Variants in TADA2A observed in about 807,000 individuals in gnomAD.
The protein encoded by TADA2A is transcriptional adapter 2-alpha.
Under a neutral mutation model 67.4 loss-of-function variants are expected in TADA2A, and 38 were observed. The observed-to-expected ratio is 0.56, with a 90% CI of 0.44 to 0.74. TADA2A has a LOEUF of 0.74. TADA2A is among the 30% of genes least tolerant of loss of function. The pLI, the probability that TADA2A is intolerant of heterozygous loss-of-function variation, is 0.00. For missense variants in TADA2A, 454 were observed against 547.0 expected, an observed-to-expected ratio of 0.83 and a Z score of 1.70; for synonymous variants, 192 against 181.6, an observed-to-expected ratio of 1.06 and a Z score of -0.46.
chr17:37,459,979 T>C (rs1173455518), intron 9 of TADA2A, among the ~76,000 whole-genome samples: 2 of 151,402 alleles, frequency 1.3e-5, no homozygotes, highest in East Asian at 2.0e-4. Flanking sequence ...GGCAGGAGAA[T>C]TGCTTGAACC....
At chr17:37,440,302 A>T (rs1394461043) in intron 5 of TADA2A, among the ~76,000 whole-genome samples, 1 of 152,084 alleles carries the variant, frequency 6.6e-6, no homozygotes, top group Non-Finnish European at 1.5e-5. Context: ...TGTGTTTTAG[A>T]CTAGCAAGAT....
intron 2 of TADA2A, among the ~76,000 whole-genome samples, chr17:37,417,561 G>A (rs1008100113): frequency 2.0e-4 from 31 of 151,814 alleles, no homozygotes; most frequent in African/African-American, 7.3e-4. Context: ...TTGAGACATA[G>A]TCTCGCTCTG....
intron 6 of TADA2A, among the ~76,000 whole-genome samples, 173 bp downstream of exon 6, chr17:37,440,835 C>T (rs2052893545): frequency 6.6e-6 from 1 of 152,198 alleles, no homozygotes; most frequent in African/African-American, 2.4e-5. Context: ...TGGCTTGTGC[C>T]TGTAATCCCA....
chr17:37,457,148 C>T (rs189692261), intron 8 of TADA2A, among the ~76,000 whole-genome samples: 73 of 150,860 alleles, frequency 4.8e-4, no homozygotes, highest in African/African-American at 1.6e-3. Flanking sequence ...TCTGTTACTC[C>T]TGTGCAGTTA....
chr17:37,479,500 G>T lies in TADA2A; in HGVS notation c.*2518G>T, dbSNP rs1007179667. 1 of 152,122 alleles carries T rather than the reference G, an allele frequency of 6.6e-6. No individual in the cohort carries two copies. Among genetic ancestry groups the T allele is most frequent in the Non-Finnish European group, 1.5e-5 (1 of 68,016 alleles). The allele number at this position is 152,122 out of a possible 1,614,324, so 9.4% of individuals were successfully genotyped here. ...GAACTTTGCAAAGATACGTAGCATT[G>T]CATCCTTCCTCTTTGCTTCTAGACA... is the stretch of plus-strand genomic sequence containing the variant. On this transcript the variant is annotated 3_prime_UTR_variant, in exon 16 of 16. Transcript: ENST00000615182.
In TADA2A at chr17:37,477,512, T is replaced by A. The variant is rs1354766644; in HGVS notation, c.*530T>A. ...CAGAGTTTGCTCTTGTCCTCCAGGCTGGAGTGTGATGGCAAGATCTCAGCT... is the reference window on the plus strand; with the variant it reads ...CAGAGTTTGCTCTTGTCCTCCAGGCAGGAGTGTGATGGCAAGATCTCAGCT... On this transcript the variant is annotated 3_prime_UTR_variant, in exon 16 of 16. Transcript: ENST00000615182. 1.3e-5 allele frequency: 2 copies of A among 151,596 alleles called. No homozygotes were observed. Among genetic ancestry groups the A allele is most frequent in the African/African-American group, 4.9e-5 (2 of 41,200 alleles). 9.4% of individuals were successfully genotyped at this position (151,596 alleles called of 1,614,324 possible).
rs1319424462 is a variant in TADA2A, at chr17:37,423,453, A to ACTT, written c.26-55_26-53dup. The ACTT allele has an allele frequency of 5.2e-6, 7 of 1,347,794 alleles. No individual in the cohort carries two copies. The East Asian group carries it at 1.6e-4, about 32-fold the overall frequency. The allele number at this position is 1,347,794 out of a possible 1,614,324, so 83.5% of individuals were successfully genotyped here. A position where few individuals can be genotyped will look rare whatever the true frequency, so the allele number is the denominator to read the frequency against. Reference sequence around the variant, plus strand: ...CATTTGGGGATTTTCACCTTTTTGCACTTAAGATAACCGTAAGGTGGTCTG... The same window carrying ACTT: ...CATTTGGGGATTTTCACCTTTTTGCACTTCTTAAGATAACCGTAAGGTGGTCTG... On this transcript the variant is annotated intron_variant, in intron 2 of 15. Transcript: ENST00000615182.
chr17:37,474,174 G>A (rs1005901724), intron 14 of TADA2A, among the ~76,000 whole-genome samples: 6 of 152,170 alleles, frequency 3.9e-5, no homozygotes, highest in African/African-American at 9.7e-5. Flanking sequence ...GGGAGATTGA[G>A]GCTATAGTGA....
chr17:37,477,001 T>G lies in TADA2A; in HGVS notation c.*19T>G. The G allele has an allele frequency of 6.3e-7, 1 of 1,584,736 alleles. No individual in the cohort carries two copies. The highest frequency in any genetic ancestry group is 8.6e-7 in the Non-Finnish European group (1 of 1,160,980). Reference sequence around the variant, plus strand: ...AGGCTAAGGCTCCAAGAGCTTGGGATCAGAAGTCAGAAGTTTGGAATGTGG... The same window carrying G: ...AGGCTAAGGCTCCAAGAGCTTGGGAGCAGAAGTCAGAAGTTTGGAATGTGG... On this transcript the variant is annotated 3_prime_UTR_variant, in exon 16 of 16. Coordinates refer to ENST00000615182, the MANE Select transcript of TADA2A (RefSeq NM_001166105.3).
At chr17:37,455,941 C>T (rs373226939) in intron 8 of TADA2A, among the ~76,000 whole-genome samples, 25 of 152,078 alleles carry the variant, frequency 1.6e-4, no homozygotes, top group Admixed American at 7.2e-4. Context: ...CAGTAGTTCA[C>T]GCCTGTAATT....
At chr17:37,449,400 A>G (rs900548229) in intron 8 of TADA2A, among the ~76,000 whole-genome samples, 1 of 152,196 alleles carries the variant, frequency 6.6e-6, no homozygotes, top group Non-Finnish European at 1.5e-5. Flanking sequence ...AGCATTTACT[A>G]TTAGTTACCA....
At chr17:37,452,668 T>A (rs1243603091) in intron 8 of TADA2A, among the ~76,000 whole-genome samples, 1 of 152,132 alleles carries the variant, frequency 6.6e-6, no homozygotes, top group Non-Finnish European at 1.5e-5. Flanking sequence ...CCACAGCAAC[T>A]GTGTTATAAA....
chr17:37,415,945 T>C (rs1452133723), intron 2 of TADA2A, among the ~76,000 whole-genome samples: 1 of 150,454 alleles, frequency 6.6e-6, no homozygotes, highest in Non-Finnish European at 1.5e-5. Context: ...TTGAAACTTT[T>C]GCCAATCTGA....
chr17:37,423,658 A>T (rs779585554), intron 3 of TADA2A, 43 bp downstream of exon 3: 10 of 1,410,468 alleles, frequency 7.1e-6, no homozygotes, highest in Non-Finnish European at 9.8e-6. Flanking sequence ...GTTTTATGCT[A>T]TTTTTTATGA....
chr17:37,439,930 A>ATTTTTTTTTTT (rs1568155028), intron 5 of TADA2A, among the ~76,000 whole-genome samples: 1 of 111,476 alleles, frequency 9.0e-6, no homozygotes, highest in African/African-American at 3.3e-5. Flanking sequence ...TTATTTATTT[A>ATTTTTTTTTTT]TTTATTTATT....
At chr17:37,439,938 ATTTATTAT>A (rs201882928) in intron 5 of TADA2A, among the ~76,000 whole-genome samples, 18,266 of 105,418 alleles carry the variant, frequency 0.17, 1,375 homozygotes, top group East Asian at 0.41. Flanking sequence ...TTATTTATTT[ATTTATTAT>A]TTTTTTTTTT....
rs771834965 is a variant in TADA2A at position 37,444,788 on chromosome 17, A to G, written c.604+20A>G. 4 of 1,611,238 alleles carry G rather than the reference A, an allele frequency of 2.5e-6. No individual in the cohort carries two copies. The East Asian group carries it at 8.9e-5, about 36-fold the overall frequency. The stretch of plus-strand genomic sequence containing the variant: ...TACATGGTAACAGTTTATTTTGTCA[A>G]ATGTTTATCGAGCGCCAACTGTGTG... On this transcript the variant is annotated intron_variant, in intron 8 of 15. Coordinates refer to ENST00000615182, the MANE Select transcript of TADA2A (RefSeq NM_001166105.3).
chr17:37,431,229 A>T (rs853224), intron 4 of TADA2A, among the ~76,000 whole-genome samples: 31,475 of 152,094 alleles, frequency 0.21, 3,656 homozygotes, highest in East Asian at 0.54. Flanking sequence ...TCAAAACCTC[A>T]TGCTTAAAAA....
At chr17:37,452,833 G>A (rs775506021) in intron 8 of TADA2A, among the ~76,000 whole-genome samples, 8 of 151,722 alleles carry the variant, frequency 5.3e-5, no homozygotes, top group Non-Finnish European at 1.0e-4. Context: ...TGACAGTATT[G>A]AATTATTTTT....
Sources: gnomAD v4.1 joint callset for allele counts (sites outside exome capture counted in the v4.1 genomes callset) on GRCh38, gnomAD v4.1.1 for gene constraint, MANE v1.5 for transcripts, NCBI Gene and HGNC (gene_info 2026-07-23, HGNC 2026-07-21) for gene names.